The following GALNT1 variants were observed in gnomAD, a reference collection of about 807,000 sequenced individuals.
GALNT1 encodes GalNAc transferase 1.
Under a neutral mutation model 65.7 loss-of-function variants are expected in GALNT1, and 17 were observed. That is an observed-to-expected ratio of 0.26 (90% CI 0.18 to 0.39). GALNT1 has a LOEUF of 0.39. Among genes scored for constraint, GALNT1 ranks in the 10% least tolerant of loss-of-function variants. GALNT1 has a pLI of 1.00. For synonymous variants in GALNT1, 210 were observed against 219.7 expected (o/e 0.96, Z 0.39); for missense variants, 460 against 672.8 (o/e 0.68, Z 3.50).
rs190956957 is a variant in GALNT1, at chr18:35,656,145, A to G, written c.139+1344A>G. ...AGTATTCTTTTCCCAAATAGAATGG[A>G]ATAAATTTCCCCTCACCCTACCTTA... On this transcript the variant is annotated intron_variant, in intron 2 of 11. Transcript: ENST00000269195. 1.6e-4 allele frequency among the ~76,000 whole-genome samples: 24 copies of G among 152,348 alleles called. No individual in the cohort carries two copies. In the East Asian group the frequency reaches 4.2e-3, roughly 27 times the overall value.
chr18:35,702,778 G>C, intron 9 of GALNT1, 119 bp from the exon 10 acceptor site: 1 of 561,206 alleles, frequency 1.8e-6, no homozygotes. Context: ...AGGCCAATAG[G>C]CCATTTCAGA....
At chr18:35,614,470 A>C (rs2046757737) in intron 1 of GALNT1, among the ~76,000 whole-genome samples, 1 of 152,226 alleles carries the variant, frequency 6.6e-6, no homozygotes, top group Non-Finnish European at 1.5e-5. Flanking sequence ...GCATCTGTGA[A>C]AAACCTACAG....
intron 1 of GALNT1, among the ~76,000 whole-genome samples, chr18:35,593,757 G>A (rs919914575): frequency 6.6e-6 from 1 of 152,062 alleles, no homozygotes; most frequent in African/African-American, 2.4e-5. Flanking sequence ...CACCCAGGCT[G>A]GGGTACAGTG....
intron 1 of GALNT1, among the ~76,000 whole-genome samples, chr18:35,601,142 G>A (rs1441283877): frequency 2.0e-5 from 3 of 151,902 alleles, no homozygotes; most frequent in African/African-American, 7.2e-5. Context: ...GGTCTGTTCA[G>A]GTTTTCTATT....
At chr18:35,606,754 C>T (rs76511588) in intron 1 of GALNT1, among the ~76,000 whole-genome samples, 1 of 151,352 alleles carries the variant, frequency 6.6e-6, no homozygotes, top group Non-Finnish European at 1.5e-5. Context: ...GGGTAAAATG[C>T]CAGGTCAGAC....
chr18:35,626,463 G>A (rs1170429419), intron 1 of GALNT1, among the ~76,000 whole-genome samples: 4 of 152,134 alleles, frequency 2.6e-5, no homozygotes, highest in Non-Finnish European at 5.9e-5. Context: ...TCCTGTAAAA[G>A]TAGAGTCCTT....
At chr18:35,669,584 T>G (rs1422146419) in intron 3 of GALNT1, among the ~76,000 whole-genome samples, 1 of 152,238 alleles carries the variant, frequency 6.6e-6, no homozygotes, top group Non-Finnish European at 1.5e-5. Flanking sequence ...ATAAGTTATG[T>G]GATCATTTCA....
At chr18:35,642,791 C>A (rs1236961813) in intron 1 of GALNT1, among the ~76,000 whole-genome samples, 1 of 152,006 alleles carries the variant, frequency 6.6e-6, no homozygotes, top group Admixed American at 6.6e-5. Context: ...TGTCAGGAAC[C>A]CAATTCAGAT....
chr18:35,652,290 T>C (rs538402422), intron 1 of GALNT1, among the ~76,000 whole-genome samples: 1 of 152,280 alleles, frequency 6.6e-6, no homozygotes, highest in Admixed American at 6.5e-5. Flanking sequence ...CATTCTTTCT[T>C]TGTTATCTCA....
intron 1 of GALNT1, among the ~76,000 whole-genome samples, chr18:35,584,661 G>A (rs970033626): frequency 2.0e-5 from 3 of 152,196 alleles, no homozygotes; most frequent in African/African-American, 7.2e-5. Flanking sequence ...CCAGGTTGGG[G>A]GCCAGGGGAA....
intron 9 of GALNT1, among the ~76,000 whole-genome samples, chr18:35,694,405 A>G (rs1649274168): frequency 6.6e-6 from 1 of 152,220 alleles, no homozygotes; most frequent in South Asian, 2.1e-4. Context: ...AATGGCCACT[A>G]TCAAAAAAAC....
intron 11 of GALNT1, among the ~76,000 whole-genome samples, chr18:35,708,322 A>C (rs2048299402): frequency 6.6e-6 from 1 of 152,220 alleles, no homozygotes; most frequent in Non-Finnish European, 1.5e-5. Context: ...TAAAGATAGA[A>C]TCCTGAACCT....
At chr18:35,606,132 C>A (rs1424263984) in intron 1 of GALNT1, among the ~76,000 whole-genome samples, 1 of 152,152 alleles carries the variant, frequency 6.6e-6, no homozygotes, top group African/African-American at 2.4e-5. Flanking sequence ...GCTGAAAGAG[C>A]AGTTACTGTC....
chr18:35,703,588 C>T lies in GALNT1; in HGVS notation c.1478C>T (p.Thr493Ile). ...GTTTCCAAACTTAATGGCCCAGTTACAATGCTCAAATGCCACCACCTAAAA... is the reference window on the plus strand; with the variant it reads ...GTTTCCAAACTTAATGGCCCAGTTATAATGCTCAAATGCCACCACCTAAAA... ...LDVSKLNGPV[T>I]MLKCHHLKGN... Residue 493 changes from threonine (T) to isoleucine (I), a missense_variant, in exon 11 of 12, where the codon ACA (threonine) becomes ATA (isoleucine). By Grantham distance (89) the Thr-to-Ile change is moderately conservative. Transcript: ENST00000269195. 1 of 1,613,974 alleles carries T rather than the reference C, an allele frequency of 6.2e-7. No individual in the cohort carries two copies. Among genetic ancestry groups the T allele is most frequent in the Non-Finnish European group, 8.5e-7 (1 of 1,179,948 alleles).
At chr18:35,623,486 GT>G (rs1429285986) in intron 1 of GALNT1, among the ~76,000 whole-genome samples, 3 of 151,920 alleles carry the variant, frequency 2.0e-5, no homozygotes, top group Non-Finnish European at 4.4e-5. Context: ...ATTTTCAGGG[GT>G]TTTTTTCATG....
chr18:35,640,619 T>C (rs1406068010), intron 1 of GALNT1, among the ~76,000 whole-genome samples: 1 of 152,186 alleles, frequency 6.6e-6, no homozygotes, highest in African/African-American at 2.4e-5. Flanking sequence ...ACTTAACAGG[T>C]CAGGAGTAGC....
intron 8 of GALNT1, 132 bp from the exon 9 acceptor site, chr18:35,692,049 T>C: frequency 1.5e-6 from 1 of 686,202 alleles, no homozygotes; most frequent in South Asian, 2.2e-5. Flanking sequence ...TCATGGTGTC[T>C]CCACTTGTAT....
At chr18:35,612,322 T>C (rs1446577847) in intron 1 of GALNT1, among the ~76,000 whole-genome samples, 2 of 152,240 alleles carry the variant, frequency 1.3e-5, no homozygotes, top group African/African-American at 4.8e-5. Context: ...ATTTGCCTTC[T>C]GGATTAGGTT....
At chr18:35,685,773 A>G (rs1243327105) in intron 5 of GALNT1, among the ~76,000 whole-genome samples, 1 of 152,234 alleles carries the variant, frequency 6.6e-6, no homozygotes, top group Non-Finnish European at 1.5e-5. Flanking sequence ...CGAGATTACT[A>G]TAGAAAAGTT....
Sources: allele counts gnomAD v4.1 joint callset (sites outside exome capture counted in the v4.1 genomes callset), GRCh38; gene constraint gnomAD v4.1.1; transcripts MANE v1.5; gene names NCBI Gene and HGNC (gene_info 2026-07-23, HGNC 2026-07-21).